Variants in PDE3A observed in about 807,000 individuals in gnomAD.
PDE3A encodes the protein cGMP-inhibited 3',5'-cyclic phosphodiesterase 3A.
A neutral mutation model predicts 98.3 loss-of-function variants in PDE3A; 43 were observed. The observed-to-expected ratio is 0.44, with a 90% CI of 0.34 to 0.56. The LOEUF (loss-of-function observed/expected upper bound fraction) is 0.56. Among genes scored for constraint, PDE3A ranks in the 20% least tolerant of loss-of-function variants. The pLI, the probability that PDE3A is intolerant of heterozygous loss-of-function variation, is 0.01. For missense variants in PDE3A, 1,427 were observed against 1,440.7 expected (o/e 0.99, Z 0.15); for synonymous variants, 663 against 567.9 (o/e 1.17, Z -2.38).
intron 1 of PDE3A, among the ~76,000 whole-genome samples, chr12:20,396,875 A>G (rs949396465): frequency 6.6e-6 from 1 of 151,884 alleles, no homozygotes; most frequent in African/African-American, 2.4e-5. Context: ...TGCTTGCTGT[A>G]TTTTAAGAGG....
intron 1 of PDE3A, among the ~76,000 whole-genome samples, chr12:20,540,766 T>C (rs536630666): frequency 1.3e-5 from 2 of 152,196 alleles, no homozygotes; most frequent in South Asian, 4.1e-4. Context: ...GGTAATTTCA[T>C]TAGGAAAACT....
At chr12:20,522,117 C>G (rs984352653) in intron 1 of PDE3A, among the ~76,000 whole-genome samples, 1 of 152,098 alleles carries the variant, frequency 6.6e-6, no homozygotes, top group Non-Finnish European at 1.5e-5. Context: ...TTGGGACACA[C>G]TTTCAGGTGT....
At chr12:20,445,305 G>A (rs1456927177) in intron 1 of PDE3A, among the ~76,000 whole-genome samples, 1 of 152,098 alleles carries the variant, frequency 6.6e-6, no homozygotes, top group East Asian at 1.9e-4. Flanking sequence ...CATCTTAAGG[G>A]AAATGAACTA....
At position 20,368,869 on chromosome 12, in the gene PDE3A, T is replaced by C. The variant is rs1191309161; in HGVS notation, c.-416T>C. Among the ~76,000 whole-genome samples, 1 of 151,900 alleles carries C rather than the reference T, an allele frequency of 6.6e-6. No homozygotes were observed. ...GAGCCCGCCCTGCGCCCCCGGCTCC[T>C]CCAGCGTCAGCGGCTCCTGCGCGCG... is the stretch of plus-strand genomic sequence containing the variant. On this transcript the variant is annotated 5_prime_UTR_variant, in exon 1 of 16. Transcript: ENST00000359062.
intron 1 of PDE3A, among the ~76,000 whole-genome samples, chr12:20,400,379 G>GTTTTTTTTTTTTTTTTTTTTTTTTTTTT (rs75851941): frequency 1.8e-5 from 2 of 110,264 alleles, no homozygotes; most frequent in Admixed American, 9.7e-5. Context: ...GTTAACATTG[G>GTTTTTTTTTTTTTTTTTTTTTTTTTTTT]TTTTTTTTTT....
chr12:20,519,701 A>C (rs983685077), intron 1 of PDE3A, among the ~76,000 whole-genome samples: 7 of 152,228 alleles, frequency 4.6e-5, no homozygotes, highest in African/African-American at 1.4e-4. Context: ...CATATGTGCA[A>C]GATGTAGTTC....
At position 20,680,096 on chromosome 12, in the gene PDE3A, A is replaced by G. The variant is rs1247948548; in HGVS notation, c.3251A>G (p.Lys1084Arg). ...QITQHLLQNH[K>R]MWKKVIEEEQ... is the part of the protein sequence containing the mutation. ...ACTCAGCACCTCTTACAGAACCACAAGATGTGGAAGAAAGTCATTGAAGAG... is the reference window on the plus strand; with the variant it reads ...ACTCAGCACCTCTTACAGAACCACAGGATGTGGAAGAAAGTCATTGAAGAG... Residue 1084 changes from lysine (K) to arginine (R), a missense_variant, in exon 16 of 16, where the codon AAG becomes AGG. Transcript: ENST00000359062. 6.2e-7 allele frequency: 1 copy of G among 1,611,100 alleles called. No individual in the cohort carries two copies. Among genetic ancestry groups the G allele is most frequent in the Non-Finnish European group, 8.5e-7 (1 of 1,177,312 alleles).
chr12:20,449,260 A>C (rs534373503), intron 1 of PDE3A, among the ~76,000 whole-genome samples: 16 of 152,342 alleles, frequency 1.1e-4, no homozygotes, highest in African/African-American at 3.4e-4. Flanking sequence ...TGATGAAGTA[A>C]TAATCTGTGT....
chr12:20,650,660 C>A, intron 14 of PDE3A, 60 bp downstream of exon 14: 1 of 1,030,614 alleles, frequency 9.7e-7, no homozygotes, highest in Non-Finnish European at 1.4e-6. Flanking sequence ...ATGAATTGCT[C>A]AAAGCTTCTA....
chr12:20,582,261 T>G (rs2121347067), intron 2 of PDE3A, among the ~76,000 whole-genome samples: 1 of 152,276 alleles, frequency 6.6e-6, no homozygotes, highest in East Asian at 1.9e-4. Flanking sequence ...TGGCATGATC[T>G]TGGCTCACTG....
chr12:20,544,269 A>G (rs2121229638), intron 1 of PDE3A, among the ~76,000 whole-genome samples: 1 of 151,424 alleles, frequency 6.6e-6, no homozygotes, highest in South Asian at 2.1e-4. Context: ...GGGTGAATAC[A>G]GAAATGAAAA....
At chr12:20,509,613 G>A (rs1391652351) in intron 1 of PDE3A, among the ~76,000 whole-genome samples, 3 of 151,936 alleles carry the variant, frequency 2.0e-5, no homozygotes, top group Admixed American at 6.6e-5. Flanking sequence ...ATCCCAGCAG[G>A]TATCTCTGCC....
chr12:20,471,685 C>CAAT (rs1945442763), intron 1 of PDE3A, among the ~76,000 whole-genome samples: 1 of 152,056 alleles, frequency 6.6e-6, no homozygotes, highest in African/African-American at 2.4e-5. Flanking sequence ...AATTGATTTT[C>CAAT]TAGGATGTTT....
chr12:20,384,606 G>A (rs1335821112), intron 1 of PDE3A, among the ~76,000 whole-genome samples: 2 of 151,866 alleles, frequency 1.3e-5, no homozygotes, highest in African/African-American at 2.4e-5. Context: ...ATACTATGGT[G>A]CTTTGCTGCA....
chr12:20,488,555 G>A (rs1945771381), intron 1 of PDE3A, among the ~76,000 whole-genome samples: 1 of 152,092 alleles, frequency 6.6e-6, no homozygotes, highest in Non-Finnish European at 1.5e-5. Context: ...CGCAGCTGGT[G>A]CAATGGCTTA....
Position 20,556,699 on chromosome 12 carries a change from A to G in PDE3A, c.1000A>G (p.Arg334Gly). 1 of 1,608,720 alleles carries G rather than the reference A, an allele frequency of 6.2e-7. No individual in the cohort carries two copies. The highest frequency in any genetic ancestry group is 8.5e-7 in the Non-Finnish European group (1 of 1,175,212). The change falls in exon 2 of 16, where the codon AGA (arginine) becomes GGA (glycine). Residue 334 changes from arginine (R) to glycine (G), a missense_variant. Physicochemically the swap from Arg to Gly is moderately radical, Grantham distance 125 (BLOSUM62 -2). Transcript: ENST00000359062. ...AGAATGGGACCACAAACGAGGGCCA[A>G]GAGGATCACAGGTAAGTTTCTTTTC... ...HSEWDHKRGPRGSQSSGTSIT... is the reference protein window; with the variant it reads ...HSEWDHKRGPGGSQSSGTSIT...
intron 1 of PDE3A, among the ~76,000 whole-genome samples, chr12:20,382,265 A>G (rs1369586580): frequency 6.6e-6 from 1 of 151,884 alleles, no homozygotes; most frequent in African/African-American, 2.4e-5. Context: ...CAGGACTATA[A>G]ACTTGTGTCT....
intron 10 of PDE3A, among the ~76,000 whole-genome samples, chr12:20,643,169 C>T (rs1188333785): frequency 1.3e-5 from 2 of 151,974 alleles, no homozygotes; most frequent in African/African-American, 2.4e-5. Flanking sequence ...AAGGTGTCAT[C>T]GAGAAGGCTA....
At chr12:20,396,737 G>A (rs1424724964) in intron 1 of PDE3A, among the ~76,000 whole-genome samples, 1 of 152,042 alleles carries the variant, frequency 6.6e-6, no homozygotes, top group Non-Finnish European at 1.5e-5. Flanking sequence ...GAGAGAAGCT[G>A]GACCATTATC....
Sources: allele counts gnomAD v4.1 joint callset (sites outside exome capture counted in the v4.1 genomes callset), GRCh38; gene constraint gnomAD v4.1.1; transcripts MANE v1.5; gene names NCBI Gene and HGNC (gene_info 2026-07-23, HGNC 2026-07-21).